SLC30A8: variants seen among roughly 807,000 people sequenced by gnomAD.
The protein encoded by SLC30A8 is solute carrier family 30 member 8.
A neutral mutation model predicts 36.9 loss-of-function variants in SLC30A8; 27 were observed. The observed-to-expected ratio is 0.73, with a 90% confidence interval of 0.54 to 1.01. The LOEUF (loss-of-function observed/expected upper bound fraction) is 1.01. SLC30A8 is among the 50% of genes least tolerant of loss of function. SLC30A8 has a pLI of 0.00. For synonymous variants in SLC30A8, 164 were observed against 172.4 expected (o/e 0.95, Z 0.38); for missense variants, 439 against 452.0 (o/e 0.97, Z 0.26).
intron 1 of SLC30A8, among the ~76,000 whole-genome samples, chr8:116,988,226 G>A (rs1362450588): frequency 6.6e-6 from 1 of 152,106 alleles, no homozygotes; most frequent in Non-Finnish European, 1.5e-5. Context: ...CATTTTGGGG[G>A]CAATATCTTA....
At chr8:116,955,281 T>C (rs931116977) in intron 1 of SLC30A8, among the ~76,000 whole-genome samples, 2 of 152,170 alleles carry the variant, frequency 1.3e-5, no homozygotes, top group Non-Finnish European at 1.5e-5. Flanking sequence ...GTGTGGGCCC[T>C]AAATCTGATG....
intron 1 of SLC30A8, among the ~76,000 whole-genome samples, chr8:116,983,072 T>G (rs775206114): frequency 8.5e-5 from 13 of 152,322 alleles, no homozygotes; most frequent in Non-Finnish European, 1.5e-4. Context: ...AAGTGCATTT[T>G]TTGGGAAGTC....
intron 2 of SLC30A8, among the ~76,000 whole-genome samples, chr8:117,069,419 G>T (rs939578082): frequency 1.8e-4 from 27 of 152,146 alleles, no homozygotes; most frequent in African/African-American, 5.8e-4. Flanking sequence ...TTGTTCAGCT[G>T]AAACTCAAAT....
At chr8:117,079,926 C>T (rs1818612300) in intron 2 of SLC30A8, among the ~76,000 whole-genome samples, 1 of 152,176 alleles carries the variant, frequency 6.6e-6, no homozygotes, top group South Asian at 2.1e-4. Flanking sequence ...ATCCAGAATC[C>T]TAACAGAACA....
At chr8:117,040,477 G>A (rs1031805082) in intron 2 of SLC30A8, among the ~76,000 whole-genome samples, 2 of 152,154 alleles carry the variant, frequency 1.3e-5, no homozygotes, top group East Asian at 1.9e-4. Flanking sequence ...ACTGCAAGAG[G>A]AAAATGGCAT....
At chr8:117,122,161 T>A (rs1302944239) in intron 2 of SLC30A8, among the ~76,000 whole-genome samples, 6 of 151,972 alleles carry the variant, frequency 3.9e-5, no homozygotes, top group Non-Finnish European at 8.8e-5. Context: ...GTGATAAGAC[T>A]GGCCTTTGTA....
chr8:117,173,215 T>C lies in SLC30A8; in HGVS notation c.*534T>C, dbSNP rs1313585874. 6.5e-6 allele frequency: 1 copy of C among 152,846 alleles called. No homozygotes were observed. The highest frequency in any genetic ancestry group is 6.5e-5 in the Admixed American group (1 of 15,352). The allele number at this position is 152,846 out of a possible 1,614,324, so 9.5% of individuals were successfully genotyped here. A position where few individuals can be genotyped will look rare whatever the true frequency, so the allele number is the denominator to read the frequency against. ...TTTTTTCTACTCTGAATTGGAAATATGTATGAATATACAGAGAAGTGCTTA... is the reference window on the plus strand; with the variant it reads ...TTTTTTCTACTCTGAATTGGAAATACGTATGAATATACAGAGAAGTGCTTA... On this transcript the variant is annotated 3_prime_UTR_variant, in exon 8 of 8. Transcript: ENST00000456015.
intron 6 of SLC30A8, among the ~76,000 whole-genome samples, chr8:117,167,501 A>G (rs1563640066): frequency 2.0e-5 from 3 of 147,588 alleles, no homozygotes; most frequent in Admixed American, 2.0e-4. Flanking sequence ...ATACATACAT[A>G]CATGTATATG....
intron 1 of SLC30A8, among the ~76,000 whole-genome samples, chr8:117,032,756 G>A (rs1458317840): frequency 6.6e-6 from 1 of 152,096 alleles, no homozygotes; most frequent in African/African-American, 2.4e-5. Flanking sequence ...CGGGTGTGGT[G>A]GTGGGTGCCT....
At chr8:116,969,748 A>C (rs1211769162) in intron 1 of SLC30A8, among the ~76,000 whole-genome samples, 1 of 152,170 alleles carries the variant, frequency 6.6e-6, no homozygotes, top group Non-Finnish European at 1.5e-5. Context: ...AAACATATTA[A>C]AACAAAAATA....
rs1230762481 is a variant in SLC30A8 at position 117,097,509 on chromosome 8, A to T, written c.-225-37771A>T. On this transcript the variant is annotated intron_variant, in intron 2 of 10. Transcript: ENST00000427715. ...TAAATATATATTATATATAATATATAATTTTAAATAATATATATTATATAT... is the reference window on the plus strand; with the variant it reads ...TAAATATATATTATATATAATATATTATTTTAAATAATATATATTATATAT... 5.9e-5 allele frequency among the ~76,000 whole-genome samples: 7 copies of T among 117,840 alleles called. No individual in the cohort carries two copies. In the East Asian group the frequency reaches 1.3e-3, roughly 22 times the overall value. The allele number at this position is 117,840 out of a possible 152,430, so 77.3% of individuals were successfully genotyped here.
chr8:116,970,915 C>T (rs760060419), intron 1 of SLC30A8, among the ~76,000 whole-genome samples: 8 of 151,976 alleles, frequency 5.3e-5, no homozygotes, highest in Non-Finnish European at 1.0e-4. Context: ...GCCAACATGG[C>T]GAAACCCCGT....
chr8:117,125,753 C>T (rs890250782), intron 2 of SLC30A8, among the ~76,000 whole-genome samples: 2 of 151,884 alleles, frequency 1.3e-5, no homozygotes, highest in Non-Finnish European at 2.9e-5. Flanking sequence ...CTCCTCATGT[C>T]TCATAATAAA....
intron 4 of SLC30A8, among the ~76,000 whole-genome samples, chr8:117,160,109 T>C (rs1175426381): frequency 6.6e-6 from 1 of 152,230 alleles, no homozygotes; most frequent in Non-Finnish European, 1.5e-5. Context: ...TGTTTGAATA[T>C]AGAGATATCG....
chr8:117,011,327 G>T (rs114147676), intron 1 of SLC30A8, among the ~76,000 whole-genome samples: 1 of 152,078 alleles, frequency 6.6e-6, no homozygotes, highest in African/African-American at 2.4e-5. Context: ...CTTGACCAAC[G>T]TTTCATTTTT....
chr8:117,054,127 C>T (rs1235141970), intron 2 of SLC30A8, among the ~76,000 whole-genome samples: 2 of 129,030 alleles, frequency 1.6e-5, no homozygotes, highest in African/African-American at 6.2e-5. Flanking sequence ...GAGACAGGGC[C>T]TTGCTCTGTC....
chr8:116,952,879 A>AT (rs1037540296), intron 1 of SLC30A8, among the ~76,000 whole-genome samples: 11 of 141,260 alleles, frequency 7.8e-5, no homozygotes, highest in Non-Finnish European at 1.5e-4. Context: ...TATAATGTCA[A>AT]TTTTTATTTT....
chr8:117,034,642 T>C (rs1817155381), intron 1 of SLC30A8, among the ~76,000 whole-genome samples: 1 of 152,222 alleles, frequency 6.6e-6, no homozygotes, highest in Non-Finnish European at 1.5e-5. Context: ...TCTTGACTAC[T>C]ACACCATGCT....
chr8:117,015,458 C>G (rs1387756055), intron 1 of SLC30A8, among the ~76,000 whole-genome samples: 1 of 151,782 alleles, frequency 6.6e-6, no homozygotes, highest in Non-Finnish European at 1.5e-5. Context: ...TCTGGTTCAT[C>G]TTTGTCTTCT....
Sources: gnomAD v4.1 joint callset for allele counts (sites outside exome capture counted in the v4.1 genomes callset) on GRCh38, gnomAD v4.1.1 for gene constraint, MANE v1.5 for transcripts, NCBI Gene and HGNC (gene_info 2026-07-23, HGNC 2026-07-21) for gene names.